GALNT17: variants seen among roughly 807,000 people sequenced by gnomAD.
GALNT17 encodes the protein polypeptide N-acetylgalactosaminyltransferase 17.
GALNT17 carries 29 observed loss-of-function variants against 63.7 expected under a neutral mutation model. That is an observed-to-expected ratio of 0.46 (90% CI 0.34 to 0.62). The LOEUF is 0.62. Ranked by LOEUF, GALNT17 falls within the 20% of genes least tolerant of loss-of-function variation. GALNT17 has a pLI of 0.01. For synonymous variants in GALNT17, 305 were observed against 318.3 expected (o/e 0.96, Z 0.45); for missense variants, 603 against 799.6 (o/e 0.75, Z 2.97).
intron 9 of GALNT17, among the ~76,000 whole-genome samples, chr7:71,701,909 A>ATATATGTG (rs1791655073): frequency 3.2e-5 from 4 of 126,152 alleles, no homozygotes; most frequent in African/African-American, 6.7e-5. Flanking sequence ...ATATATATAT[A>ATATATGTG]TACATATATA....
At chr7:71,481,463 A>G (rs11535131) in intron 5 of GALNT17, among the ~76,000 whole-genome samples, 111,823 of 152,052 alleles carry the variant, frequency 0.74, 43,093 homozygotes, top group Non-Finnish European at 0.87. Context: ...AAAAAGAAAA[A>G]GGCTGCATGT....
At chr7:71,556,707 G>A (rs1430878609) in intron 5 of GALNT17, among the ~76,000 whole-genome samples, 1 of 150,758 alleles carries the variant, frequency 6.6e-6, no homozygotes, top group Non-Finnish European at 1.5e-5. Flanking sequence ...CTACAAGCTC[G>A]AGCCACCACA....
chr7:71,491,172 C>G (rs1787999887), intron 5 of GALNT17, among the ~76,000 whole-genome samples: 1 of 151,978 alleles, frequency 6.6e-6, no homozygotes. Context: ...CCAGCCTGGG[C>G]AACAAGAGCG....
chr7:71,259,470 G>A (rs964523611), intron 1 of GALNT17, among the ~76,000 whole-genome samples: 3 of 152,064 alleles, frequency 2.0e-5, no homozygotes, highest in African/African-American at 7.2e-5. Context: ...CAGATATAGG[G>A]TTTTACGGGC....
At chr7:71,358,268 T>A (rs546902871) in intron 2 of GALNT17, among the ~76,000 whole-genome samples, 1 of 152,314 alleles carries the variant, frequency 6.6e-6, no homozygotes, top group East Asian at 1.9e-4. Context: ...TGGTGGCAGG[T>A]GCCTGTAATC....
chr7:71,190,148 G>A (rs1039592975), intron 1 of GALNT17, among the ~76,000 whole-genome samples: 7 of 152,276 alleles, frequency 4.6e-5, no homozygotes, highest in South Asian at 4.1e-4. Flanking sequence ...CTAGAGACCC[G>A]GGGCTTGGTC....
intron 5 of GALNT17, among the ~76,000 whole-genome samples, chr7:71,540,066 T>C (rs965345902): frequency 1.3e-5 from 2 of 148,352 alleles, no homozygotes; most frequent in African/African-American, 4.9e-5. Context: ...AGTGCTGTGA[T>C]TACAGTTGTG....
Position 71,265,098 on chromosome 7 carries a change from TTA to T in GALNT17, c.239-70432_239-70431del, listed in dbSNP as rs1554345967. On this transcript the variant is annotated intron_variant, in intron 1 of 10. Transcript: ENST00000333538. The stretch of plus-strand genomic sequence containing the variant: ...AAATACCACACGTAACCCATAAATA[TTA>T]TATATATATATATATATATTTTTTT... Among the ~76,000 whole-genome samples, 297 of 78,358 alleles carry T rather than the reference TTA, an allele frequency of 3.8e-3. 8 individuals carry two copies. The highest frequency in any genetic ancestry group is 8.8e-3 in the African/African-American group (191 of 21,828). The allele number at this position is 78,358 out of a possible 152,430, so 51.4% of individuals were successfully genotyped here.
intron 2 of GALNT17, among the ~76,000 whole-genome samples, chr7:71,382,802 G>A (rs1036004623): frequency 6.6e-6 from 1 of 152,108 alleles, no homozygotes; most frequent in Non-Finnish European, 1.5e-5. Flanking sequence ...TGGGGAGGTA[G>A]AGAGAGAGAA....
At chr7:71,526,771 C>G (rs1788631854) in intron 5 of GALNT17, among the ~76,000 whole-genome samples, 2 of 152,126 alleles carry the variant, frequency 1.3e-5, no homozygotes, top group South Asian at 2.1e-4. Flanking sequence ...GCCTTGGCCT[C>G]CTGAAGTGTT....
At chr7:71,138,648 A>G (rs1451042612) in intron 1 of GALNT17, among the ~76,000 whole-genome samples, 1 of 152,196 alleles carries the variant, frequency 6.6e-6, no homozygotes, top group African/African-American at 2.4e-5. Flanking sequence ...ATTTAACATG[A>G]TTGCGTGTAG....
intron 5 of GALNT17, among the ~76,000 whole-genome samples, chr7:71,476,617 G>T (rs765860737): frequency 6.6e-6 from 1 of 152,172 alleles, no homozygotes; most frequent in Non-Finnish European, 1.5e-5. Flanking sequence ...TTTCAAGGGG[G>T]TAGGTGGATT....
intron 6 of GALNT17, among the ~76,000 whole-genome samples, chr7:71,574,912 C>A (rs1242098835): frequency 2.6e-5 from 4 of 152,164 alleles, no homozygotes; most frequent in African/African-American, 9.7e-5. Context: ...CCACCTCTTT[C>A]TAGTCCCTTC....
intron 5 of GALNT17, among the ~76,000 whole-genome samples, chr7:71,557,629 A>T (rs1465877944): frequency 6.6e-6 from 1 of 151,662 alleles, no homozygotes; most frequent in African/African-American, 2.4e-5. Context: ...CCTGTCTCTA[A>T]TAAAAAATAA....
At chr7:71,646,189 C>A (rs1476382571) in intron 6 of GALNT17, among the ~76,000 whole-genome samples, 4 of 152,224 alleles carry the variant, frequency 2.6e-5, no homozygotes, top group African/African-American at 9.6e-5. Context: ...ATTTCAGAAA[C>A]CCCGGATTTC....
chr7:71,621,501 A>G (rs13246797), intron 6 of GALNT17, among the ~76,000 whole-genome samples: 15 of 42,546 alleles, frequency 3.5e-4, no homozygotes, highest in East Asian at 5.3e-3. Context: ...ATTGATGGAT[A>G]GATGGATGGA....
chr7:71,422,329 G>C (rs1200446304), intron 5 of GALNT17, among the ~76,000 whole-genome samples: 1 of 152,102 alleles, frequency 6.6e-6, no homozygotes, highest in African/African-American at 2.4e-5. Context: ...CACTTATAAA[G>C]GCTTTTGTGA....
chr7:71,282,889 G>T (rs1790802524), intron 1 of GALNT17, among the ~76,000 whole-genome samples: 1 of 151,986 alleles, frequency 6.6e-6, no homozygotes, highest in Non-Finnish European at 1.5e-5. Flanking sequence ...GGGAAGGAGT[G>T]CTAGGCAATG....
chr7:71,524,551 T>C (rs2116762057), intron 5 of GALNT17, among the ~76,000 whole-genome samples: 1 of 152,204 alleles, frequency 6.6e-6, no homozygotes, highest in East Asian at 1.9e-4. Context: ...ATGGCCACGG[T>C]ATGCCAGAAG....
Sources: allele counts gnomAD v4.1 joint callset (sites outside exome capture counted in the v4.1 genomes callset), GRCh38; gene constraint gnomAD v4.1.1; transcripts MANE v1.5; gene names NCBI Gene and HGNC (gene_info 2026-07-23, HGNC 2026-07-21).